HS6ST2: variants seen among roughly 807,000 people sequenced by gnomAD.
HS6ST2 encodes heparan-sulfate 6-O-sulfotransferase 2.
A neutral mutation model predicts 33.0 loss-of-function variants in HS6ST2; 17 were observed. That is an observed-to-expected ratio of 0.52 (90% confidence interval 0.35 to 0.77). The LOEUF is 0.77. Among genes scored for constraint, HS6ST2 ranks in the 30% least tolerant of loss-of-function variants. HS6ST2 has a pLI of 0.01. For missense variants in HS6ST2, 519 were observed against 551.7 expected (o/e 0.94, Z 0.59); for synonymous variants, 248 against 237.1 (o/e 1.05, Z -0.42).
intron 2 of HS6ST2, among the ~76,000 whole-genome samples, chrX:132,784,130 G>A (rs1569490636): frequency 9.0e-6 from 1 of 111,347 alleles, no homozygotes; most frequent in East Asian, 2.8e-4. Flanking sequence ...TGGATGAGCA[G>A]AGCAGAAAAA....
chrX:132,958,231 G>T lies in HS6ST2; in HGVS notation c.372C>A (p.His124Gln). 8.5e-7 allele frequency: 1 copy of T among 1,174,862 alleles called. No homozygotes were observed. The highest frequency in any genetic ancestry group is 1.9e-5 in the South Asian group (1 of 53,792). Residue 124 changes from histidine to glutamine, a missense_variant, in exon 1 of 5, where the codon CAC (histidine) becomes CAA (glutamine). Physicochemically the swap from His to Gln is conservative, Grantham distance 24 (BLOSUM62 0). Transcript: ENST00000370833. Reference protein sequence around the residue: ...LLTRGLAALGHSLKHVLGAIF... With the variant: ...LLTRGLAALGQSLKHVLGAIF... ...TCGCACCGAGCACGTGCTTCAGCGA[G>T]TGGCCCAGGGCGGCCAGGCCCCGAG... is the stretch of plus-strand genomic sequence containing the variant.
At chrX:132,869,528 G>C (rs1468315663) in intron 2 of HS6ST2, among the ~76,000 whole-genome samples, 1 of 111,867 alleles carries the variant, frequency 8.9e-6, no homozygotes, top group Non-Finnish European at 1.9e-5. Flanking sequence ...TGAAATACTG[G>C]CAAACCGAAT....
At chrX:132,796,968 G>T (rs1361293942) in intron 2 of HS6ST2, among the ~76,000 whole-genome samples, 1 of 111,936 alleles carries the variant, frequency 8.9e-6, no homozygotes, top group Non-Finnish European at 1.9e-5. Context: ...AAAATTTAGG[G>T]TGAAGGCGAA....
At chrX:132,739,691 G>A (rs764770414) in intron 2 of HS6ST2, among the ~76,000 whole-genome samples, 1 of 105,116 alleles carries the variant, frequency 9.5e-6, no homozygotes, top group East Asian at 3.0e-4. Context: ...CTCCAGCCTG[G>A]GTGACAGAGC....
chrX:132,861,189 A>G (rs1223014475), intron 2 of HS6ST2, among the ~76,000 whole-genome samples: 1 of 111,971 alleles, frequency 8.9e-6, no homozygotes, highest in East Asian at 2.8e-4. Context: ...CCATGTTGCT[A>G]CACAGTGGCC....
intron 2 of HS6ST2, among the ~76,000 whole-genome samples, chrX:132,721,911 G>A (rs1050809883): frequency 4.5e-5 from 5 of 111,438 alleles, no homozygotes; most frequent in Admixed American, 9.5e-5. Flanking sequence ...AGAAACGGCC[G>A]GGCGCGGTGG....
At chrX:132,803,063 C>T (rs2065249921) in intron 2 of HS6ST2, among the ~76,000 whole-genome samples, 2 of 111,243 alleles carry the variant, frequency 1.8e-5, no homozygotes, top group Non-Finnish European at 3.8e-5. Flanking sequence ...CAAGACAGGC[C>T]CAAGGCCAGC....
At chrX:132,727,311 T>A (rs1313912510) in intron 2 of HS6ST2, among the ~76,000 whole-genome samples, 1 of 109,822 alleles carries the variant, frequency 9.1e-6, no homozygotes, top group Non-Finnish European at 1.9e-5. Context: ...ACATCTATTG[T>A]CTCCTATGTG....
intron 3 of HS6ST2, among the ~76,000 whole-genome samples, chrX:132,694,096 G>A (rs1452117677): frequency 3.6e-5 from 4 of 111,793 alleles, no homozygotes; most frequent in Admixed American, 9.5e-5. Flanking sequence ...CTGGTGCCAG[G>A]CACTGTGGAG....
intron 2 of HS6ST2, among the ~76,000 whole-genome samples, chrX:132,776,717 C>A (rs1039458047): frequency 9.1e-6 from 1 of 109,911 alleles, no homozygotes; most frequent in African/African-American, 3.4e-5. Context: ...CCACTATCTG[C>A]ATTCCTCTCC....
At chrX:132,773,090 C>G (rs1311743488) in intron 2 of HS6ST2, among the ~76,000 whole-genome samples, 1 of 93,050 alleles carries the variant, frequency 1.1e-5, no homozygotes, top group African/African-American at 4.0e-5. Context: ...GATTTACAAT[C>G]TATAAATAGA....
At chrX:132,846,564 G>A (rs1203408481) in intron 2 of HS6ST2, among the ~76,000 whole-genome samples, 1 of 111,981 alleles carries the variant, frequency 8.9e-6, no homozygotes, top group African/African-American at 3.2e-5. Context: ...AGAGACAGCA[G>A]GACCTGCCTA....
At position 132,639,757 on chromosome X, in the gene HS6ST2, G is replaced by A. The variant is rs138202169; in HGVS notation, c.1068-10664C>T. On this transcript the variant is annotated intron_variant, in intron 4 of 4. Transcript: ENST00000370833. ...ACCCTGAAACAAGAGTGCACAGAGG[G>A]GAAGAATCATAAGCTCCATGCCACA... Among the ~76,000 whole-genome samples, 47 of 111,674 alleles carry A rather than the reference G, an allele frequency of 4.2e-4. 1 individual carries two copies. In the East Asian group the frequency reaches 0.012, roughly 29 times the overall value.
chrX:132,786,291 T>C (rs948820796), intron 2 of HS6ST2, among the ~76,000 whole-genome samples: 3 of 111,996 alleles, frequency 2.7e-5, no homozygotes, highest in East Asian at 2.8e-4. Context: ...ATGTGGAAGT[T>C]GAAGCACCAG....
chrX:132,834,155 A>G (rs1231770906), intron 2 of HS6ST2, among the ~76,000 whole-genome samples: 1 of 111,565 alleles, frequency 9.0e-6, no homozygotes, highest in Non-Finnish European at 1.9e-5. Flanking sequence ...CCTCTCATTC[A>G]TTTAAATGCC....
chrX:132,704,403 A>G (rs1189183168), intron 3 of HS6ST2, among the ~76,000 whole-genome samples: 1 of 110,876 alleles, frequency 9.0e-6, no homozygotes, highest in Admixed American at 9.6e-5. Flanking sequence ...AAAAATACAA[A>G]ATTAGCCAGG....
chrX:132,681,346 T>C (rs1011518888), intron 3 of HS6ST2, among the ~76,000 whole-genome samples: 1 of 112,586 alleles, frequency 8.9e-6, no homozygotes, highest in Admixed American at 9.4e-5. Flanking sequence ...TATGCAAATA[T>C]GGTTATAACT....
chrX:132,923,603 A>G (rs1444077684), intron 2 of HS6ST2, among the ~76,000 whole-genome samples: 7 of 111,982 alleles, frequency 6.3e-5, no homozygotes, highest in African/African-American at 2.3e-4. Flanking sequence ...TTGAGACAAC[A>G]TATTTTTCAA....
chrX:132,837,216 A>G (rs1159317424), intron 2 of HS6ST2, among the ~76,000 whole-genome samples: 1 of 112,067 alleles, frequency 8.9e-6, no homozygotes, highest in East Asian at 2.8e-4. Flanking sequence ...AAATCTACCA[A>G]ATGAAATTCC....
Sources: allele counts gnomAD v4.1 joint callset (sites outside exome capture counted in the v4.1 genomes callset), GRCh38; gene constraint gnomAD v4.1.1; transcripts MANE v1.5; gene names NCBI Gene and HGNC (gene_info 2026-07-23, HGNC 2026-07-21).